The following GRIK1 variants were observed in gnomAD, a reference collection of about 807,000 sequenced individuals.
The protein encoded by GRIK1 is glutamate ionotropic receptor kainate type subunit 1, also known as glutamate receptor ionotropic, kainate 1.
GRIK1 carries 69 observed loss-of-function variants against 105.7 expected under a neutral mutation model. The observed-to-expected ratio is 0.65, with a 90% CI of 0.54 to 0.80. The LOEUF is 0.80. GRIK1 is among the 30% of genes least tolerant of loss of function. The pLI is 0.00. For missense variants in GRIK1, 1,109 were observed against 1,167.3 expected (o/e 0.95, Z 0.73); for synonymous variants, 438 against 431.3 (o/e 1.02, Z -0.19).
chr21:29,848,173 C>T (rs770508379), intron 1 of GRIK1, among the ~76,000 whole-genome samples: 7 of 152,138 alleles, frequency 4.6e-5, no homozygotes, highest in Non-Finnish European at 1.0e-4. Flanking sequence ...TGCACTTTTA[C>T]CACCCTAAGA....
In GRIK1 at chr21:29,928,647, G is replaced by C. The variant is rs187918344; in HGVS notation, c.118+10736C>G. ...AAATTCCACCCCAAAGAGGCGCTGG[G>C]TAAGCACCAGCTAAGTGAGAGACCA... On this transcript the variant is annotated intron_variant, in intron 1 of 17. Coordinates refer to ENST00000327783, the MANE Select transcript of GRIK1 (RefSeq NM_001330994.2). Among the ~76,000 whole-genome samples the C allele has an allele frequency of 1.8e-3, 278 of 152,338 alleles. 1 individual carries two copies. The highest frequency in any genetic ancestry group is 4.1e-4 in the Non-Finnish European group (28 of 68,022).
chr21:29,917,011 C>T (rs528414953), intron 1 of GRIK1, among the ~76,000 whole-genome samples: 7 of 152,014 alleles, frequency 4.6e-5, no homozygotes, highest in East Asian at 1.9e-4. Context: ...AAAGTAATGA[C>T]GTTTATGTGT....
intron 1 of GRIK1, among the ~76,000 whole-genome samples, chr21:29,816,486 C>T (rs527626264): frequency 4.6e-5 from 7 of 152,148 alleles, no homozygotes; most frequent in African/African-American, 1.4e-4. Context: ...GTCACCTGCA[C>T]TTCCTAGTTT....
intron 15 of GRIK1, 52 bp downstream of exon 15, chr21:29,561,572 C>T (rs78719925): frequency 0.043 from 52,924 of 1,224,402 alleles, 1,427 homozygotes; most frequent in Non-Finnish European, 0.053. Flanking sequence ...GCCTTCTATA[C>T]TGGTAACTGA....
intron 1 of GRIK1, among the ~76,000 whole-genome samples, chr21:29,728,478 G>A (rs933117): frequency 0.092 from 13,982 of 152,168 alleles, 734 homozygotes; most frequent in African/African-American, 0.13. Context: ...AGGGATGCAG[G>A]TGGTGGATGA....
intron 1 of GRIK1, among the ~76,000 whole-genome samples, chr21:29,845,479 C>T (rs1399587792): frequency 6.6e-6 from 1 of 151,980 alleles, no homozygotes; most frequent in Non-Finnish European, 1.5e-5. Context: ...ATGTGGCTTT[C>T]TTTCTCTCAA....
intron 7 of GRIK1, among the ~76,000 whole-genome samples, chr21:29,642,053 C>T (rs363527): frequency 0.17 from 26,313 of 152,144 alleles, 2,617 homozygotes; most frequent in Non-Finnish European, 0.22. Flanking sequence ...CAGAGCATTG[C>T]GCATACTCAG....
chr21:29,776,010 A>C (rs1207060467), intron 1 of GRIK1, among the ~76,000 whole-genome samples: 4 of 152,220 alleles, frequency 2.6e-5, no homozygotes, highest in Non-Finnish European at 4.4e-5. Flanking sequence ...CGGAAGGTGA[A>C]GGGAAGCAAC....
At chr21:29,904,927 T>A (rs190887093) in intron 1 of GRIK1, among the ~76,000 whole-genome samples, 10 of 152,262 alleles carry the variant, frequency 6.6e-5, no homozygotes, top group African/African-American at 2.4e-4. Flanking sequence ...ACACTCTGGG[T>A]TAACCGACAT....
At chr21:29,816,899 C>T (rs762602497) in intron 1 of GRIK1, among the ~76,000 whole-genome samples, 2 of 152,146 alleles carry the variant, frequency 1.3e-5, no homozygotes, top group East Asian at 1.9e-4. Context: ...TAGTTAACAA[C>T]AATGTACTGT....
chr21:29,841,211 T>C (rs1195964920), intron 1 of GRIK1, among the ~76,000 whole-genome samples: 1 of 152,172 alleles, frequency 6.6e-6, no homozygotes, highest in Non-Finnish European at 1.5e-5. Context: ...ACTTTCCCAC[T>C]GTCAATAGAA....
intron 7 of GRIK1, among the ~76,000 whole-genome samples, chr21:29,616,761 A>G (rs1358169275): frequency 6.6e-6 from 1 of 152,238 alleles, no homozygotes; most frequent in Non-Finnish European, 1.5e-5. Flanking sequence ...TTAAAACAAT[A>G]TTCACAAACT....
chr21:29,709,501 G>A (rs994943949), intron 1 of GRIK1, among the ~76,000 whole-genome samples: 14 of 151,814 alleles, frequency 9.2e-5, no homozygotes, highest in Non-Finnish European at 1.8e-4. Context: ...GGCTGGTCTC[G>A]AACTCCTGAC....
intron 1 of GRIK1, among the ~76,000 whole-genome samples, chr21:29,769,130 G>A (rs112563658): frequency 1.1e-4 from 16 of 152,074 alleles, no homozygotes; most frequent in Non-Finnish European, 7.3e-5. Context: ...GCTACTAGTA[G>A]GTGTTTGTTA....
intron 1 of GRIK1, among the ~76,000 whole-genome samples, chr21:29,916,440 A>T (rs546131443): frequency 2.0e-5 from 3 of 151,986 alleles, no homozygotes; most frequent in Admixed American, 2.0e-4. Flanking sequence ...AATAACCTAG[A>T]TTAATGCATC....
chr21:29,791,770 T>G (rs749489713), intron 1 of GRIK1, among the ~76,000 whole-genome samples: 87 of 152,088 alleles, frequency 5.7e-4, no homozygotes, highest in Non-Finnish European at 1.2e-3. Context: ...AGGATGGAGA[T>G]TACTGTAGAG....
At chr21:29,925,518 G>A (rs1371786967) in intron 1 of GRIK1, among the ~76,000 whole-genome samples, 4 of 152,028 alleles carry the variant, frequency 2.6e-5, no homozygotes, top group African/African-American at 9.7e-5. Flanking sequence ...TGACAGAGAG[G>A]GTGTGAATAC....
chr21:29,657,851 T>C (rs2062884750), intron 4 of GRIK1: 1 of 152,276 alleles, frequency 6.6e-6, no homozygotes, highest in South Asian at 2.1e-4. Context: ...TCTCTCTGCA[T>C]GTTGGTATTT....
chr21:29,737,917 C>T (rs1453140910), intron 1 of GRIK1, among the ~76,000 whole-genome samples: 2 of 152,202 alleles, frequency 1.3e-5, no homozygotes, highest in Non-Finnish European at 2.9e-5. Flanking sequence ...TGTTTATCTC[C>T]CATGAAGGCA....
Sources: gnomAD v4.1 joint callset for allele counts (sites outside exome capture counted in the v4.1 genomes callset) on GRCh38, gnomAD v4.1.1 for gene constraint, MANE v1.5 for transcripts, NCBI Gene and HGNC (gene_info 2026-07-23, HGNC 2026-07-21) for gene names.